The following GLRA1 variants were observed in gnomAD, a reference collection of about 807,000 sequenced individuals.
The protein encoded by GLRA1 is glycine receptor alpha 1.
A neutral mutation model predicts 48.3 loss-of-function variants in GLRA1; 37 were observed. The observed-to-expected ratio is 0.77, with a 90% CI of 0.59 to 1.01. The LOEUF is 1.01. Among genes scored for constraint, GLRA1 ranks in the 50% least tolerant of loss-of-function variants. The pLI is 0.00. For synonymous variants in GLRA1, 196 were observed against 210.7 expected, an observed-to-expected ratio of 0.93 and a Z score of 0.60; for missense variants, 427 against 571.0, an observed-to-expected ratio of 0.75 and a Z score of 2.57.
In GLRA1 at chr5:151,924,490, A is replaced by G. The variant is rs748997223; in HGVS notation, c.56+4T>C. Reference sequence around the variant, plus strand: ...AGCGATGTGGTCAGTAGAAAATTGCATACCTGAAGAATACAATGGTCTCCC... The same window carrying G: ...AGCGATGTGGTCAGTAGAAAATTGCGTACCTGAAGAATACAATGGTCTCCC... On this transcript the variant is annotated splice_donor_region_variant and intron_variant, in intron 1 of 8. Transcript: ENST00000274576. 6.4e-7 allele frequency: 1 copy of G among 1,561,092 alleles called. No homozygotes were observed. Among genetic ancestry groups the G allele is most frequent in the South Asian group, 1.1e-5 (1 of 89,990 alleles).
chr5:151,901,643 A>G (rs925842933), intron 1 of GLRA1, among the ~76,000 whole-genome samples: 4 of 152,196 alleles, frequency 2.6e-5, no homozygotes, highest in Non-Finnish European at 4.4e-5. Flanking sequence ...TTTGGGGAAA[A>G]AGATTGCATT....
chr5:151,911,476 C>T (rs1390775313), intron 1 of GLRA1, among the ~76,000 whole-genome samples: 1 of 152,054 alleles, frequency 6.6e-6, no homozygotes, highest in African/African-American at 2.4e-5. Context: ...AATTATAATT[C>T]CCATTTAACA....
intron 7 of GLRA1, among the ~76,000 whole-genome samples, chr5:151,841,241 ATAAAT>A (rs931284709): frequency 7.9e-5 from 12 of 152,176 alleles, no homozygotes; most frequent in South Asian, 2.1e-4. Context: ...ACTCACAACA[ATAAAT>A]TAAACAATGC....
At chr5:151,871,726 A>G (rs1753490801) in intron 3 of GLRA1, among the ~76,000 whole-genome samples, 1 of 149,126 alleles carries the variant, frequency 6.7e-6, no homozygotes, top group East Asian at 1.9e-4. Flanking sequence ...ACGCCCGGCT[A>G]ATTTTTTTTA....
At chr5:151,909,293 C>T (rs1754551958) in intron 1 of GLRA1, among the ~76,000 whole-genome samples, 1 of 152,160 alleles carries the variant, frequency 6.6e-6, no homozygotes, top group Non-Finnish European at 1.5e-5. Context: ...CTCAGCTGTG[C>T]TCTGCTTCCT....
At chr5:151,909,941 G>C (rs116254353) in intron 1 of GLRA1, among the ~76,000 whole-genome samples, 1 of 151,996 alleles carries the variant, frequency 6.6e-6, no homozygotes. Flanking sequence ...AAATTGCACA[G>C]TGAATTGGGT....
chr5:151,900,305 A>G (rs995350185), intron 1 of GLRA1, among the ~76,000 whole-genome samples: 2 of 152,168 alleles, frequency 1.3e-5, no homozygotes, highest in African/African-American at 4.8e-5. Context: ...CCCTGCTACA[A>G]CATCCTAAAT....
At chr5:151,890,996 T>C (rs1352439641) in intron 2 of GLRA1, among the ~76,000 whole-genome samples, 1 of 152,186 alleles carries the variant, frequency 6.6e-6, no homozygotes, top group African/African-American at 2.4e-5. Flanking sequence ...GAGCAAGCAC[T>C]CTGAGAAGGG....
Position 151,912,262 on chromosome 5 carries a change from GT to G in GLRA1, c.56+12231del, listed in dbSNP as rs370730368. Among the ~76,000 whole-genome samples, 667 of 121,612 alleles carry G rather than the reference GT, an allele frequency of 5.5e-3. 5 individuals carry two copies. The highest frequency in any genetic ancestry group is 0.018 in the African/African-American group (572 of 32,134). The allele number at this position is 121,612 out of a possible 152,430, so 79.8% of individuals were successfully genotyped here. A position where few individuals can be genotyped will look rare whatever the true frequency, so the allele number is the denominator to read the frequency against. ...CTCTTATTTGGCTCCTGTGAAGACT[GT>G]TTTTTTTTTTTTTTTTTCTACTAGA... On this transcript the variant is annotated intron_variant, in intron 1 of 8. Transcript: ENST00000274576.
intron 1 of GLRA1, among the ~76,000 whole-genome samples, chr5:151,905,921 T>C (rs911973507): frequency 2.6e-5 from 4 of 152,220 alleles, no homozygotes; most frequent in Admixed American, 6.5e-5. Flanking sequence ...CCTTTTCTGT[T>C]AAATTGCCCT....
At chr5:151,904,001 T>G (rs567638004) in intron 1 of GLRA1, among the ~76,000 whole-genome samples, 1 of 152,342 alleles carries the variant, frequency 6.6e-6, no homozygotes, top group East Asian at 1.9e-4. Flanking sequence ...AATTCAAATA[T>G]GCATGGTTTT....
At chr5:151,884,250 G>A (rs1225322584) in intron 3 of GLRA1, among the ~76,000 whole-genome samples, 1 of 152,082 alleles carries the variant, frequency 6.6e-6, no homozygotes, top group Non-Finnish European at 1.5e-5. Context: ...CTGACATGGC[G>A]AAACCCCATC....
At chr5:151,903,571 G>C (rs990402047) in intron 1 of GLRA1, among the ~76,000 whole-genome samples, 1 of 152,162 alleles carries the variant, frequency 6.6e-6, no homozygotes, top group African/African-American at 2.4e-5. Context: ...GAGTAGTAGA[G>C]TCGTAGAATT....
chr5:151,886,745 A>G lies in GLRA1; in HGVS notation c.228T>C (p.Phe76=). The G allele has an allele frequency of 6.2e-7, 1 of 1,613,254 alleles. No individual in the cohort carries two copies. Among genetic ancestry groups the G allele is most frequent in the Non-Finnish European group, 8.5e-7 (1 of 1,179,172 alleles). Residue 76 remains phenylalanine, a synonymous_variant, in exon 3 of 9, where the codon TTT becomes TTC. Transcript: ENST00000274576. The stretch of plus-strand genomic sequence containing the variant: ...CCATGGTTGTCTCAGCAATGGAACC[A>G]AAGCTGTTGATGAAAATGTTGCAGC... The part of the protein sequence containing the change: ...NVSCNIFINS[F]GSIAETTMDY...
At chr5:151,878,650 G>A (rs2113391519) in intron 3 of GLRA1, among the ~76,000 whole-genome samples, 1 of 152,268 alleles carries the variant, frequency 6.6e-6, no homozygotes, top group Admixed American at 6.5e-5. Context: ...CTGTGTCCCA[G>A]CCACTCCAGC....
chr5:151,842,989 T>C (rs1581607886), intron 7 of GLRA1, among the ~76,000 whole-genome samples: 1 of 152,184 alleles, frequency 6.6e-6, no homozygotes, highest in African/African-American at 2.4e-5. Flanking sequence ...ATTCAATTTA[T>C]ATAGCATAAA....
intron 7 of GLRA1, chr5:151,850,589 A>G: frequency 6.8e-7 from 1 of 1,461,688 alleles, no homozygotes; most frequent in African/African-American, 1.4e-5. Context: ...ATTCCATGAA[A>G]CCTCCAACAT....
chr5:151,837,457 A>G (rs1320662885), intron 7 of GLRA1, among the ~76,000 whole-genome samples: 1 of 152,226 alleles, frequency 6.6e-6, no homozygotes, highest in Admixed American at 6.5e-5. Flanking sequence ...CAATCCCAAT[A>G]CTGGGTATAT....
At chr5:151,849,148 CTTTCT>C (rs1167005109) in intron 7 of GLRA1, 9 of 142,972 alleles carry the variant, frequency 6.3e-5, no homozygotes, top group Middle Eastern at 2.1e-3. Flanking sequence ...TTCTTTCTTT[CTTTCT>C]TTTCTTTTCT....
Sources: gnomAD v4.1 joint callset for allele counts (sites outside exome capture counted in the v4.1 genomes callset) on GRCh38, gnomAD v4.1.1 for gene constraint, MANE v1.5 for transcripts, NCBI Gene and HGNC (gene_info 2026-07-23, HGNC 2026-07-21) for gene names.